The following DNAH8 variants were observed in gnomAD, a reference collection of about 807,000 sequenced individuals.
The protein encoded by DNAH8 is dynein axonemal heavy chain 8.
Under a neutral mutation model 562.1 loss-of-function variants are expected in DNAH8, and 382 were observed. That is an observed-to-expected ratio of 0.68 (90% CI 0.63 to 0.74). The LOEUF (loss-of-function observed/expected upper bound fraction) is 0.74, where lower values mean the gene tolerates loss of function less well. Among genes scored for constraint, DNAH8 ranks in the 30% least tolerant of loss-of-function variants. The probability of loss-of-function intolerance (pLI) is 0.00; values close to 1 mark genes in which losing one functional copy is unlikely to be tolerated. For missense variants in DNAH8, 5,203 were observed against 5,620.4 expected, an observed-to-expected ratio of 0.93 and a Z score of 2.37; for synonymous variants, 1,881 against 1,919.4, an observed-to-expected ratio of 0.98 and a Z score of 0.52.
intron 62 of DNAH8, among the ~76,000 whole-genome samples, chr6:38,902,460 G>A (rs1780141635): frequency 6.6e-6 from 1 of 152,078 alleles, no homozygotes; most frequent in Non-Finnish European, 1.5e-5. Context: ...ATTCAAACTA[G>A]CAAATCCTAA....
At chr6:38,717,922 C>T (rs1762466241) in intron 1 of DNAH8, among the ~76,000 whole-genome samples, 1 of 152,036 alleles carries the variant, frequency 6.6e-6, no homozygotes. Context: ...AAGTATGCAT[C>T]TTAGAATTGA....
rs374270248 is a variant in DNAH8, at chr6:38,772,090, G to A, written c.1764+1531G>A. ...TTCGCCCAGGCCAGAGTGCAGTGGC[G>A]TGATCTCGGCTCACTGCAAGCTCCA... On this transcript the variant is annotated intron_variant, in intron 12 of 92. Coordinates refer to ENST00000327475, the MANE Select transcript of DNAH8 (RefSeq NM_001206927.2). Among the ~76,000 whole-genome samples the A allele has an allele frequency of 1.6e-3, 238 of 148,684 alleles. No individual in the cohort carries two copies. In the Middle Eastern group the frequency reaches 0.024, roughly 15 times the overall value.
At chr6:39,020,291 C>T (rs1766827596) in intron 91 of DNAH8, among the ~76,000 whole-genome samples, 1 of 152,104 alleles carries the variant, frequency 6.6e-6, no homozygotes, top group African/African-American at 2.4e-5. Context: ...AATATTGTGC[C>T]TGTACTCTTC....
chr6:38,995,253 C>A (rs796313986), intron 88 of DNAH8, among the ~76,000 whole-genome samples: 36 of 152,252 alleles, frequency 2.4e-4, no homozygotes, highest in African/African-American at 7.9e-4. Flanking sequence ...TACAGATAAT[C>A]TGAAATTAAT....
At chr6:38,845,270 T>A (rs532173459) in intron 35 of DNAH8, among the ~76,000 whole-genome samples, 167 of 152,328 alleles carry the variant, frequency 1.1e-3, no homozygotes, top group African/African-American at 3.8e-3. Flanking sequence ...CAGCTGTGAT[T>A]ATCCCCATTT....
chr6:38,749,563 A>G lies in DNAH8; in HGVS notation c.1294-913A>G, dbSNP rs953523596. 2.4e-4 allele frequency among the ~76,000 whole-genome samples: 36 copies of G among 152,006 alleles called. 1 individual carries two copies. The highest frequency in any genetic ancestry group is 6.9e-3 in the Middle Eastern group (2 of 290). Reference sequence around the variant, plus strand: ...AAAAAAAAAAAAAAAGACAATGTCTAATTAAATGACTAAAGGCACACAGAT... The same window carrying G: ...AAAAAAAAAAAAAAAGACAATGTCTGATTAAATGACTAAAGGCACACAGAT... On this transcript the variant is annotated intron_variant, in intron 8 of 92. Transcript: ENST00000327475.
intron 60 of DNAH8, among the ~76,000 whole-genome samples, chr6:38,897,766 G>C (rs1488609433): frequency 6.6e-6 from 1 of 151,984 alleles, no homozygotes; most frequent in Non-Finnish European, 1.5e-5. Context: ...GGGTGACAGA[G>C]TACCTTGACT....
At chr6:39,022,719 T>C (rs1421964088) in intron 91 of DNAH8, among the ~76,000 whole-genome samples, 1 of 152,096 alleles carries the variant, frequency 6.6e-6, no homozygotes, top group Non-Finnish European at 1.5e-5. Context: ...ATCCCAGGGG[T>C]GCACATGTTC....
chr6:38,828,132 T>C, intron 29 of DNAH8, 52 bp from the exon 30 acceptor site: 1 of 1,154,472 alleles, frequency 8.7e-7, no homozygotes, highest in Non-Finnish European at 1.3e-6. Flanking sequence ...TCTAAATCAT[T>C]TGGCAATGGC....
intron 4 of DNAH8, 144 bp from the exon 5 acceptor site, chr6:38,734,330 C>T: frequency 1.4e-6 from 1 of 738,256 alleles, no homozygotes. Context: ...TAGTAGACCC[C>T]CCCCCAAAAA....
At chr6:38,757,365 GTTGT>G (rs1322547093) in intron 10 of DNAH8, among the ~76,000 whole-genome samples, 2,761 of 151,668 alleles carry the variant, frequency 0.018, 42 homozygotes, top group African/African-American at 0.06. Context: ...TTTTGATGGG[GTTGT>G]TTGTTTTTTT....
At chr6:38,812,190 G>A (rs1771856005) in intron 24 of DNAH8, among the ~76,000 whole-genome samples, 1 of 152,016 alleles carries the variant, frequency 6.6e-6, no homozygotes, top group African/African-American at 2.4e-5. Context: ...ACCTCCCCAC[G>A]GTCACTGCCT....
chr6:38,934,079 G>A (rs935812005), intron 76 of DNAH8, among the ~76,000 whole-genome samples: 17 of 152,188 alleles, frequency 1.1e-4, no homozygotes, highest in Admixed American at 7.9e-4. Flanking sequence ...GAGGCCAGGC[G>A]TGGTGGCTCA....
chr6:38,935,708 A>C lies in DNAH8; in HGVS notation c.11563+11A>C. 3 of 1,557,990 alleles carry C rather than the reference A, an allele frequency of 1.9e-6. No individual in the cohort carries two copies. The South Asian group carries it at 3.4e-5, about 18-fold the overall frequency. ...TAAGTGCTACAAAAGGTATTGTGTT[A>C]TTAAGAAGTAATGAAATAACGGATT... On this transcript the variant is annotated intron_variant, in intron 77 of 92. Transcript: ENST00000327475.
intron 9 of DNAH8, among the ~76,000 whole-genome samples, chr6:38,751,538 A>T (rs72858301): frequency 0.18 from 27,818 of 152,036 alleles, 3,304 homozygotes; most frequent in Non-Finnish European, 0.27. Context: ...CATCATGGTG[A>T]GGTGACTTTG....
chr6:38,942,651 A>G (rs1388519816), intron 79 of DNAH8, among the ~76,000 whole-genome samples: 1 of 152,222 alleles, frequency 6.6e-6, no homozygotes, highest in African/African-American at 2.4e-5. Context: ...CTGCAGACAA[A>G]GGACCAATGC....
At chr6:38,785,644 C>T (rs117738578) in intron 17 of DNAH8, among the ~76,000 whole-genome samples, 1 of 152,044 alleles carries the variant, frequency 6.6e-6, no homozygotes, top group African/African-American at 2.4e-5. Flanking sequence ...CTCCCCACCC[C>T]CCGACAGGCC....
chr6:38,996,050 C>T (rs1765111379), intron 88 of DNAH8, among the ~76,000 whole-genome samples: 1 of 152,226 alleles, frequency 6.6e-6, no homozygotes, highest in African/African-American at 2.4e-5. Context: ...TCACAGGGTT[C>T]TCCTGCTGTC....
chr6:38,870,369 G>T, intron 48 of DNAH8, 32 bp from the exon 49 acceptor site: 1 of 1,600,486 alleles, frequency 6.2e-7, no homozygotes, highest in South Asian at 1.1e-5. Context: ...TTGACTGAAT[G>T]AGTAAATTTA....
Sources: gnomAD v4.1 joint callset for allele counts (sites outside exome capture counted in the v4.1 genomes callset) on GRCh38, gnomAD v4.1.1 for gene constraint, MANE v1.5 for transcripts, NCBI Gene and HGNC (gene_info 2026-07-23, HGNC 2026-07-21) for gene names.